Variants in SLC28A1 observed in about 807,000 individuals in gnomAD.
SLC28A1 encodes the protein solute carrier family 28 member 1, also known as sodium/nucleoside cotransporter 1.
In SLC28A1, 64 loss-of-function variants were observed where a neutral mutation model predicts 74.8. The ratio of observed to expected loss-of-function variants is 0.86; its 90% CI spans 0.70 to 1.05. The LOEUF (loss-of-function observed/expected upper bound fraction) is 1.05. Ranked by LOEUF, SLC28A1 falls within the 50% of genes least tolerant of loss-of-function variation. The pLI is 0.00. For missense variants in SLC28A1, 828 were observed against 822.8 expected (o/e 1.01, Z -0.08); for synonymous variants, 359 against 335.0 (o/e 1.07, Z -0.78).
chr15:84,943,507 G>A lies in SLC28A1; in HGVS notation c.1644G>A (p.Gly548=), dbSNP rs1972952812. ...GATTTGCCAATTTCAGCTCCATTGG[G>A]ATCATGCTGGGAGGCTTGAGTGAGT... ...LCGFANFSSI[G]IMLGGLTSMV... The change falls in exon 16 of 19, where the codon GGG becomes GGA. Residue 548 remains glycine (G), a synonymous_variant. Coordinates refer to ENST00000394573, the MANE Select transcript of SLC28A1 (RefSeq NM_004213.5). 1.2e-6 allele frequency: 2 copies of A among 1,613,846 alleles called. No individual in the cohort carries two copies. The highest frequency in any genetic ancestry group is 1.1e-5 in the South Asian group (1 of 91,080).
At chr15:84,891,338 C>T (rs1965347330) in intron 5 of SLC28A1, among the ~76,000 whole-genome samples, 1 of 152,136 alleles carries the variant, frequency 6.6e-6, no homozygotes, top group South Asian at 2.1e-4. Context: ...GAAGGAAACC[C>T]TGAATTAGGG....
chr15:84,971,760 C>T, the SLC28A1 span, among the ~76,000 whole-genome samples: 1 of 152,098 alleles, frequency 6.6e-6, no homozygotes, highest in Non-Finnish European at 1.5e-5. Flanking sequence ...AGCGATCCTC[C>T]CACTTCAGCC....
At chr15:84,895,623 CG>C in intron 6 of SLC28A1, 1 of 1,473,576 alleles carries the variant, frequency 6.8e-7, no homozygotes, top group Non-Finnish European at 9.0e-7. Context: ...GAAATCTCAG[CG>C]ATGTCACAGG....
intron 12 of SLC28A1, among the ~76,000 whole-genome samples, chr15:84,929,559 A>C (rs1021256785): frequency 2.8e-5 from 3 of 108,606 alleles, no homozygotes; most frequent in African/African-American, 1.1e-4. Context: ...AAAAAAAAAA[A>C]ATGTGGCTTC....
chr15:84,945,869 A>G (rs188231828), downstream of SLC28A1: 227 of 153,612 alleles, frequency 1.5e-3, no homozygotes, highest in Middle Eastern at 3.4e-3. Context: ...TTCCACATTT[A>G]CTTGACCATA....
intron 9 of SLC28A1, 84 bp downstream of exon 9, chr15:84,908,879 G>A: frequency 2.6e-6 from 3 of 1,145,672 alleles, no homozygotes; most frequent in Non-Finnish European, 3.9e-6. Context: ...CATGGTGGGG[G>A]CCCAGGTGGA....
intron 12 of SLC28A1, among the ~76,000 whole-genome samples, chr15:84,929,623 G>C (rs775828445): frequency 6.6e-6 from 1 of 152,046 alleles, no homozygotes; most frequent in Non-Finnish European, 1.5e-5. Context: ...GGAGGCCAAG[G>C]CAGGAGGATG....
chr15:84,931,651 CAAAAAAAAAAAAA>C (rs60407699), intron 12 of SLC28A1, among the ~76,000 whole-genome samples: 3 of 52,406 alleles, frequency 5.7e-5, no homozygotes, highest in Non-Finnish European at 9.2e-5. Context: ...GACTCCATCT[CAAAAAAAAAAAAA>C]AAAAAAAAAA....
Position 84,912,894 on chromosome 15 carries a change from G to C in SLC28A1, c.795+4099G>C, listed in dbSNP as rs536676080. Reference sequence around the variant, plus strand: ...GTATCATTGGATTTGGTAGTTAAGGGGTAACTGGTAACCTTAGTGAGCATG... The same window carrying C: ...GTATCATTGGATTTGGTAGTTAAGGCGTAACTGGTAACCTTAGTGAGCATG... On this transcript the variant is annotated intron_variant, in intron 9 of 18. Coordinates refer to ENST00000394573, the MANE Select transcript of SLC28A1 (RefSeq NM_004213.5). Among the ~76,000 whole-genome samples, 3 of 151,550 alleles carry C rather than the reference G, an allele frequency of 2.0e-5. No homozygotes were observed. The South Asian group carries it at 6.3e-4, about 32-fold the overall frequency.
rs755434439 is a variant in SLC28A1, at chr15:84,918,547, C to T, written c.819C>T (p.Phe273=). 6.2e-7 allele frequency: 1 copy of T among 1,613,990 alleles called. No individual in the cohort carries two copies. The highest frequency in any genetic ancestry group is 1.7e-5 in the Admixed American group (1 of 60,030). The part of the protein sequence containing the change: ...AFQVLPIIVF[F]SCVISVLYHV... Reference sequence around the variant, plus strand: ...AGGTTCTGCCCATCATTGTCTTTTTCAGCTGTGTCATATCCGTTCTCTACC... The same window carrying T: ...AGGTTCTGCCCATCATTGTCTTTTTTAGCTGTGTCATATCCGTTCTCTACC... Residue 273 remains phenylalanine (F), a synonymous_variant, in exon 10 of 19, where the codon TTC becomes TTT. Coordinates refer to ENST00000394573, the MANE Select transcript of SLC28A1 (RefSeq NM_004213.5).
intron 6 of SLC28A1, 67 bp downstream of exon 6, chr15:84,895,190 G>T: frequency 6.3e-7 from 1 of 1,597,368 alleles, no homozygotes; most frequent in East Asian, 2.3e-5. Context: ...TGGCTCCAGG[G>T]TTATGGCCAG....
At chr15:84,895,848 C>G (rs542747446) in intron 6 of SLC28A1, 1 of 1,074,630 alleles carries the variant, frequency 9.3e-7, no homozygotes, top group East Asian at 7.3e-5. Flanking sequence ...AGCTGGTGAC[C>G]AAAGATACCC....
chr15:84,908,369 A>T (rs1225341703), intron 8 of SLC28A1, among the ~76,000 whole-genome samples: 1 of 151,718 alleles, frequency 6.6e-6, no homozygotes, highest in Non-Finnish European at 1.5e-5. Context: ...TTTTTAGCAG[A>T]TATGGGGTTT....
At chr15:84,889,896 C>T (rs754047684) in intron 4 of SLC28A1, among the ~76,000 whole-genome samples, 3 of 148,596 alleles carry the variant, frequency 2.0e-5, no homozygotes, top group Non-Finnish European at 3.0e-5. Context: ...ACTCTGTTGC[C>T]TGGGCTGGAG....
At chr15:84,897,890 C>T (rs1472096650) in intron 6 of SLC28A1, among the ~76,000 whole-genome samples, 2 of 152,202 alleles carry the variant, frequency 1.3e-5, no homozygotes, top group Non-Finnish European at 2.9e-5. Flanking sequence ...CAGTATTTGT[C>T]TTTCTGTGCT....
intron 6 of SLC28A1, chr15:84,895,577 T>C (rs1317033525): frequency 6.6e-7 from 1 of 1,525,302 alleles, no homozygotes; most frequent in Non-Finnish European, 8.8e-7. Context: ...CAGTTTGAGA[T>C]CTGCTGCTTT....
At chr15:84,938,544 A>T (rs910463722) in intron 15 of SLC28A1, 2 of 151,976 alleles carry the variant, frequency 1.3e-5, no homozygotes, top group South Asian at 4.1e-4. Flanking sequence ...TTTTTAATGA[A>T]CTTCATTCCT....
rs372510772 is a variant in SLC28A1, at chr15:84,902,634, T to C, written c.462-1463T>C. Among the ~76,000 whole-genome samples, 26 of 152,250 alleles carry C rather than the reference T, an allele frequency of 1.7e-4. 1 individual carries two copies. In the East Asian group the frequency reaches 2.5e-3, roughly 15 times the overall value. On this transcript the variant is annotated intron_variant, in intron 6 of 18. Transcript: ENST00000394573. ...CAAGGAGTATACGTATGCCAAAACG[T>C]ATCAAATTGAACACCTCCAATATGT...
chr15:84,924,778 G>T (rs575024863), intron 12 of SLC28A1, among the ~76,000 whole-genome samples: 1 of 152,146 alleles, frequency 6.6e-6, no homozygotes, highest in South Asian at 2.1e-4. Flanking sequence ...AATCTTCAAA[G>T]GTCTCAATTT....
Sources: gnomAD v4.1 joint callset for allele counts (sites outside exome capture counted in the v4.1 genomes callset) on GRCh38, gnomAD v4.1.1 for gene constraint, MANE v1.5 for transcripts, NCBI Gene and HGNC (gene_info 2026-07-23, HGNC 2026-07-21) for gene names.